The following STPG2 variants were observed in gnomAD, a reference collection of about 807,000 sequenced individuals.
STPG2 encodes sperm-tail PG-rich repeat-containing protein 2.
In STPG2, 56 loss-of-function variants were observed where a neutral mutation model predicts 54.2. The observed-to-expected ratio is 1.03, with a 90% CI of 0.83 to 1.29. STPG2 has a LOEUF of 1.29. Ranked by LOEUF, STPG2 falls within the 50% of genes most tolerant of loss-of-function variation. The probability of loss-of-function intolerance (pLI) is 0.00; values close to 1 mark genes in which losing one functional copy is unlikely to be tolerated. For missense variants in STPG2, 596 were observed against 544.9 expected (o/e 1.09, Z -0.93); for synonymous variants, 200 against 181.8 (o/e 1.10, Z -0.81).
intron 10 of STPG2, among the ~76,000 whole-genome samples, chr4:97,583,244 A>C (rs541247365): frequency 6.3e-4 from 96 of 152,078 alleles, no homozygotes; most frequent in East Asian, 2.9e-3. Flanking sequence ...TATCAACTAC[A>C]AAAATTTCTA....
At chr4:98,010,274 G>A (rs1318941632) in intron 5 of STPG2, among the ~76,000 whole-genome samples, 1 of 151,964 alleles carries the variant, frequency 6.6e-6, no homozygotes, top group Non-Finnish European at 1.5e-5. Context: ...GTATCCCATA[G>A]ATTTTAGTAT....
At chr4:97,866,050 G>T (rs1729765218) in intron 8 of STPG2, among the ~76,000 whole-genome samples, 1 of 151,728 alleles carries the variant, frequency 6.6e-6, no homozygotes, top group Admixed American at 6.6e-5. Context: ...TAAAACAGTT[G>T]AACTCATGGA....
intron 9 of STPG2, among the ~76,000 whole-genome samples, chr4:97,729,446 G>A (rs565396488): frequency 1.3e-5 from 2 of 152,204 alleles, no homozygotes; most frequent in African/African-American, 4.8e-5. Context: ...CCACCTATAT[G>A]AGTGATTTAG....
At chr4:97,593,030 C>A (rs1183822935) in intron 10 of STPG2, among the ~76,000 whole-genome samples, 2 of 152,146 alleles carry the variant, frequency 1.3e-5, no homozygotes, top group Non-Finnish European at 2.9e-5. Flanking sequence ...AACAGTCTTG[C>A]CTTTGAAACA....
intron 5 of STPG2, among the ~76,000 whole-genome samples, chr4:98,082,372 G>A (rs1011995018): frequency 6.8e-6 from 1 of 147,812 alleles, no homozygotes; most frequent in African/African-American, 2.5e-5. Flanking sequence ...TTCTTATCTG[G>A]ACTATTAAAG....
At chr4:97,746,028 A>C (rs1461401192) in intron 9 of STPG2, among the ~76,000 whole-genome samples, 1 of 151,206 alleles carries the variant, frequency 6.6e-6, no homozygotes, top group Non-Finnish European at 1.5e-5. Context: ...AGATGTTTCA[A>C]TAGCTGATTT....
chr4:98,078,648 C>A (rs1738247899), intron 5 of STPG2, among the ~76,000 whole-genome samples: 2 of 151,920 alleles, frequency 1.3e-5, no homozygotes, highest in South Asian at 4.2e-4. Flanking sequence ...TTGATATCTT[C>A]CCATCATTTA....
At chr4:97,606,410 C>CT (rs1269035437) in intron 10 of STPG2, among the ~76,000 whole-genome samples, 2 of 151,788 alleles carry the variant, frequency 1.3e-5, no homozygotes, top group Non-Finnish European at 2.9e-5. Context: ...GTGGTACTCT[C>CT]TATCAGTGAG....
intron 8 of STPG2, among the ~76,000 whole-genome samples, chr4:97,937,886 T>C (rs572709392): frequency 6.6e-6 from 1 of 152,224 alleles, no homozygotes; most frequent in Non-Finnish European, 1.5e-5. Flanking sequence ...CCAAGACCCA[T>C]TTAACGAAGC....
intron 5 of STPG2, among the ~76,000 whole-genome samples, chr4:97,981,982 T>TTTCCCGCCTC (rs1734696566): frequency 6.6e-6 from 1 of 151,516 alleles, no homozygotes; most frequent in African/African-American, 2.4e-5. Flanking sequence ...CCTCCCGGGT[T>TTTCCCGCCTC]CACACCATTT....
chr4:97,846,253 T>C (rs879396373), intron 8 of STPG2, among the ~76,000 whole-genome samples: 3 of 151,742 alleles, frequency 2.0e-5, no homozygotes, highest in Non-Finnish European at 2.9e-5. Flanking sequence ...CTAAATGAGA[T>C]ACAAAGCTAA....
chr4:97,792,980 C>G (rs1323313152), intron 9 of STPG2, among the ~76,000 whole-genome samples: 7 of 151,922 alleles, frequency 4.6e-5, no homozygotes, highest in African/African-American at 1.7e-4. Flanking sequence ...GGTGAGACCC[C>G]CATCTCTACT....
intron 5 of STPG2, among the ~76,000 whole-genome samples, chr4:98,042,406 G>C (rs924332725): frequency 6.6e-6 from 1 of 151,396 alleles, no homozygotes; most frequent in African/African-American, 2.4e-5. Flanking sequence ...GACTCATAAG[G>C]TGTAACAGTA....
chr4:97,546,500 T>C lies in STPG2; in HGVS notation c.462+166199A>G, dbSNP rs192583788. On this transcript the variant is annotated intron_variant, in intron 4 of 4. Transcript: ENST00000522676. ...GACCTATAGTGATAGCTGAAGATGC[T>C]ATAGAGTATATTCAGTAATCTGATA... Among the ~76,000 whole-genome samples, 68 of 152,244 alleles carry C rather than the reference T, an allele frequency of 4.5e-4. 1 individual carries two copies. The highest frequency in any genetic ancestry group is 1.5e-3 in the African/African-American group (63 of 41,564).
intron 4 of STPG2, among the ~76,000 whole-genome samples, chr4:97,544,101 TTAAC>T (rs893299233): frequency 6.6e-6 from 1 of 152,090 alleles, no homozygotes; most frequent in Non-Finnish European, 1.5e-5. Context: ...CCTAACAAAT[TTAAC>T]TAAGCAAAAA....
chr4:97,594,513 C>A (rs186289189), intron 10 of STPG2, among the ~76,000 whole-genome samples: 3 of 152,172 alleles, frequency 2.0e-5, no homozygotes, highest in Admixed American at 2.0e-4. Flanking sequence ...GAGACCAAAT[C>A]TACATCTCAC....
At chr4:97,835,589 C>T (rs1438931105) in intron 9 of STPG2, among the ~76,000 whole-genome samples, 1 of 152,102 alleles carries the variant, frequency 6.6e-6, no homozygotes, top group East Asian at 1.9e-4. Context: ...TAATACAACA[C>T]CCATTCTGAA....
intron 5 of STPG2, among the ~76,000 whole-genome samples, chr4:98,059,744 C>G (rs1737587253): frequency 6.6e-6 from 1 of 151,892 alleles, no homozygotes; most frequent in Non-Finnish European, 1.5e-5. Context: ...CCCCAGGATG[C>G]AAGGTTGATT....
At chr4:97,776,767 T>G (rs1187586297) in intron 9 of STPG2, among the ~76,000 whole-genome samples, 1 of 152,162 alleles carries the variant, frequency 6.6e-6, no homozygotes, top group Non-Finnish European at 1.5e-5. Flanking sequence ...TAAAATTGAA[T>G]AGATAAATCA....
Sources: allele counts gnomAD v4.1 joint callset (sites outside exome capture counted in the v4.1 genomes callset), GRCh38; gene constraint gnomAD v4.1.1; transcripts MANE v1.5; gene names NCBI Gene and HGNC (gene_info 2026-07-23, HGNC 2026-07-21).